GRID1: variants seen among roughly 807,000 people sequenced by gnomAD.
GRID1 encodes the protein glutamate receptor ionotropic, delta-1.
GRID1 carries 28 observed loss-of-function variants against 98.0 expected under a neutral mutation model. That is an observed-to-expected ratio of 0.29 (90% confidence interval 0.21 to 0.39). The LOEUF is 0.39. Among genes scored for constraint, GRID1 ranks in the 10% least tolerant of loss-of-function variants. The probability of loss-of-function intolerance (pLI) is 1.00; values close to 1 mark genes in which losing one functional copy is unlikely to be tolerated. For missense variants in GRID1, 1,111 were observed against 1,340.5 expected (o/e 0.83, Z 2.67); for synonymous variants, 553 against 538.5 (o/e 1.03, Z -0.37).
At chr10:85,641,698 T>A (rs1038230075) in intron 13 of GRID1, among the ~76,000 whole-genome samples, 4 of 152,206 alleles carry the variant, frequency 2.6e-5, no homozygotes, top group African/African-American at 9.6e-5. Flanking sequence ...AAAGTATGAA[T>A]GCATGTAAAT....
At chr10:85,821,284 G>A (rs914595636) in intron 8 of GRID1, among the ~76,000 whole-genome samples, 5 of 151,732 alleles carry the variant, frequency 3.3e-5, no homozygotes, top group Non-Finnish European at 5.9e-5. Flanking sequence ...TTGGGAGGCC[G>A]AAATGGGCAG....
chr10:86,352,336 C>T (rs1848474753), intron 2 of GRID1, among the ~76,000 whole-genome samples: 1 of 152,218 alleles, frequency 6.6e-6, no homozygotes, highest in Admixed American at 6.5e-5. Flanking sequence ...GGTTTGCTCA[C>T]AGCCCTTCCC....
At chr10:85,812,073 T>TA (rs1359411447) in intron 8 of GRID1, among the ~76,000 whole-genome samples, 5 of 152,130 alleles carry the variant, frequency 3.3e-5, no homozygotes, top group Non-Finnish European at 7.4e-5. Flanking sequence ...AAGAAAAACA[T>TA]ACTGCCAGTC....
At chr10:86,025,505 C>T (rs934294736) in intron 4 of GRID1, among the ~76,000 whole-genome samples, 6 of 152,182 alleles carry the variant, frequency 3.9e-5, no homozygotes, top group Non-Finnish European at 8.8e-5. Flanking sequence ...AGGGGTTCCA[C>T]CAATTGGGAG....
At chr10:85,932,436 G>C (rs7910346) in intron 4 of GRID1, among the ~76,000 whole-genome samples, 54,974 of 151,960 alleles carry the variant, frequency 0.36, 10,679 homozygotes, top group Non-Finnish European at 0.44. Context: ...GGCTGGTCTC[G>C]AACTTCTGGA....
intron 4 of GRID1, among the ~76,000 whole-genome samples, chr10:85,979,521 A>G (rs561425607): frequency 3.9e-4 from 60 of 152,298 alleles, no homozygotes; most frequent in Non-Finnish European, 7.1e-4. Context: ...TGGCTTGTAG[A>G]TAGCCATTTC....
At chr10:86,124,177 C>A (rs1349459024) in intron 4 of GRID1, among the ~76,000 whole-genome samples, 3 of 152,182 alleles carry the variant, frequency 2.0e-5, no homozygotes, top group Non-Finnish European at 4.4e-5. Flanking sequence ...ACACCTTAAC[C>A]CTGGTCCCTT....
intron 6 of GRID1, among the ~76,000 whole-genome samples, chr10:85,868,524 C>T (rs1476174037): frequency 6.6e-6 from 1 of 152,202 alleles, no homozygotes; most frequent in African/African-American, 2.4e-5. Flanking sequence ...CCTGCCCCTC[C>T]CTGCTCAGCT....
intron 2 of GRID1, among the ~76,000 whole-genome samples, chr10:86,342,230 C>G (rs1018907471): frequency 6.6e-6 from 1 of 152,140 alleles, no homozygotes; most frequent in African/African-American, 2.4e-5. Context: ...GGTCACACGG[C>G]CCTCATGCTG....
intron 2 of GRID1, among the ~76,000 whole-genome samples, chr10:86,290,788 T>C (rs1021613831): frequency 6.6e-6 from 1 of 152,222 alleles, no homozygotes; most frequent in South Asian, 2.1e-4. Flanking sequence ...GAGGCAGTTG[T>C]GGAAAGCCAA....
chr10:85,685,218 T>A (rs1032208495), intron 12 of GRID1, among the ~76,000 whole-genome samples: 1 of 152,226 alleles, frequency 6.6e-6, no homozygotes, highest in African/African-American at 2.4e-5. Context: ...TTAATAAGCC[T>A]ATTCAGAAAA....
chr10:85,910,618 A>T (rs866004109), intron 5 of GRID1, among the ~76,000 whole-genome samples: 1 of 152,204 alleles, frequency 6.6e-6, no homozygotes, highest in Non-Finnish European at 1.5e-5. Context: ...GAAGGTGCTG[A>T]AGAAGACCAC....
intron 4 of GRID1, among the ~76,000 whole-genome samples, chr10:86,088,563 T>C (rs920649894): frequency 2.0e-5 from 3 of 152,090 alleles, no homozygotes; most frequent in Non-Finnish European, 4.4e-5. Context: ...CCAGGGCAAA[T>C]TAGAGATTGC....
chr10:85,603,703 G>A (rs1292919288), intron 15 of GRID1, among the ~76,000 whole-genome samples: 6 of 152,140 alleles, frequency 3.9e-5, no homozygotes, highest in Admixed American at 2.6e-4. Flanking sequence ...TGAGCTTCCC[G>A]GTGAGGTTGA....
At chr10:85,764,717 C>T (rs944412238) in intron 8 of GRID1, among the ~76,000 whole-genome samples, 4 of 152,200 alleles carry the variant, frequency 2.6e-5, no homozygotes, top group Admixed American at 6.5e-5. Flanking sequence ...CTTCATGTCA[C>T]TCTCAAAAAA....
intron 12 of GRID1, among the ~76,000 whole-genome samples, chr10:85,688,094 A>T (rs77116903): frequency 0.043 from 6,491 of 152,326 alleles, 166 homozygotes; most frequent in Middle Eastern, 0.048. Flanking sequence ...TTCCAGGAAG[A>T]TGAAGTGAGT....
intron 4 of GRID1, among the ~76,000 whole-genome samples, chr10:86,029,007 T>A (rs1350590980): frequency 6.6e-6 from 1 of 152,182 alleles, no homozygotes; most frequent in East Asian, 1.9e-4. Flanking sequence ...TAAGCATCCC[T>A]CTAATGCTAT....
intron 2 of GRID1, among the ~76,000 whole-genome samples, chr10:86,358,325 T>C (rs553872969): frequency 1.8e-4 from 27 of 152,296 alleles, no homozygotes; most frequent in African/African-American, 6.5e-4. Context: ...CAATGCATAT[T>C]GGGCACAGAC....
intron 8 of GRID1, among the ~76,000 whole-genome samples, chr10:85,832,000 GT>G (rs1266431084): frequency 6.6e-6 from 1 of 151,868 alleles, no homozygotes; most frequent in Non-Finnish European, 1.5e-5. Flanking sequence ...GCCAAAATTT[GT>G]TTTTTGAAAA....
Sources: allele counts gnomAD v4.1 joint callset (sites outside exome capture counted in the v4.1 genomes callset), GRCh38; gene constraint gnomAD v4.1.1; transcripts MANE v1.5; gene names NCBI Gene and HGNC (gene_info 2026-07-23, HGNC 2026-07-21).